The following NDRG3 variants were observed in gnomAD, a reference collection of about 807,000 sequenced individuals.
NDRG3 encodes the protein protein NDRG3.
In NDRG3, 23 loss-of-function variants were observed where a neutral mutation model predicts 57.2. The observed-to-expected ratio is 0.40, with a 90% confidence interval of 0.29 to 0.57. The LOEUF (loss-of-function observed/expected upper bound fraction) is 0.57. NDRG3 is among the 20% of genes least tolerant of loss of function. The pLI, the probability that NDRG3 is intolerant of heterozygous loss-of-function variation, is 0.42. For synonymous variants in NDRG3, 132 were observed against 162.6 expected (o/e 0.81, Z 1.43); for missense variants, 384 against 457.3 (o/e 0.84, Z 1.46).
chr20:36,745,604 C>A (rs996459000), intron 1 of NDRG3, among the ~76,000 whole-genome samples: 21 of 152,202 alleles, frequency 1.4e-4, no homozygotes, highest in African/African-American at 5.1e-4. Context: ...TGCTCTGGGG[C>A]CGGACGGGTG....
chr20:36,721,859 T>G, intron 1 of NDRG3, 76 bp from the exon 2 acceptor site: 1 of 652,374 alleles, frequency 1.5e-6, no homozygotes, highest in Non-Finnish European at 2.7e-6. Context: ...AGTACACCCA[T>G]TCATTCAAAT....
At chr20:36,683,567 C>T (rs1427960984) in intron 6 of NDRG3, among the ~76,000 whole-genome samples, 3 of 151,496 alleles carry the variant, frequency 2.0e-5, no homozygotes, top group African/African-American at 4.8e-5. Flanking sequence ...CAGTGAGCTG[C>T]GATCGCACCA....
At chr20:36,668,312 A>G (rs60482628) in intron 9 of NDRG3, among the ~76,000 whole-genome samples, 3,195 of 152,260 alleles carry the variant, frequency 0.021, 114 homozygotes, top group African/African-American at 0.071. Context: ...ATATTGTTCT[A>G]CACTTGCTTT....
chr20:36,711,561 G>A (rs1270460370), intron 2 of NDRG3, among the ~76,000 whole-genome samples: 1 of 152,136 alleles, frequency 6.6e-6, no homozygotes, highest in East Asian at 1.9e-4. Flanking sequence ...ACAATGATGT[G>A]ACCATGACCA....
At chr20:36,693,573 G>A (rs1982523887) in intron 3 of NDRG3, among the ~76,000 whole-genome samples, 1 of 151,880 alleles carries the variant, frequency 6.6e-6, no homozygotes, top group African/African-American at 2.4e-5. Flanking sequence ...TGAGTGGCAG[G>A]TAAGAGCAAA....
intron 8 of NDRG3, among the ~76,000 whole-genome samples, chr20:36,677,994 G>A (rs1980905913): frequency 6.6e-6 from 1 of 152,128 alleles, no homozygotes; most frequent in Non-Finnish European, 1.5e-5. Flanking sequence ...TTTTACTCTG[G>A]TTTGGGACTG....
intron 3 of NDRG3, chr20:36,700,608 T>C (rs1325384481): frequency 2.4e-6 from 1 of 410,728 alleles, no homozygotes; most frequent in Admixed American, 3.2e-5. Context: ...AATTATCATC[T>C]GTTTTACAGG....
At chr20:36,738,809 T>A (rs976497998) in intron 1 of NDRG3, among the ~76,000 whole-genome samples, 59 of 53,140 alleles carry the variant, frequency 1.1e-3, no homozygotes, top group Admixed American at 1.4e-3. Context: ...GACCACAGAG[T>A]AAAAAACTGT....
At position 36,682,542 on chromosome 20, in the gene NDRG3, T is replaced by C; in HGVS notation, c.420A>G (p.Gly140=). ...KSIIGIGVGA[G]AYILSRFALN... ...CTGCAAATCTGCTGAGGATGTAAGCTCCAGCTCCAACTCCAATTCCAATGA... is the reference window on the plus strand; with the variant it reads ...CTGCAAATCTGCTGAGGATGTAAGCCCCAGCTCCAACTCCAATTCCAATGA... Residue 140 remains glycine, a synonymous_variant, in exon 7 of 16, where the codon GGA becomes GGG. Transcript: ENST00000349004. 2 of 1,614,080 alleles carry C rather than the reference T, an allele frequency of 1.2e-6. No homozygotes were observed. The highest frequency in any genetic ancestry group is 1.7e-6 in the Non-Finnish European group (2 of 1,179,944).
chr20:36,688,855 C>G (rs1982019585), intron 3 of NDRG3, 71 bp from the exon 4 acceptor site: 2 of 1,042,070 alleles, frequency 1.9e-6, no homozygotes, highest in Non-Finnish European at 3.0e-6. Context: ...TTTCACAATA[C>G]CTGCTTTACC....
At chr20:36,695,793 T>C (rs1315030477) in intron 3 of NDRG3, among the ~76,000 whole-genome samples, 2 of 152,200 alleles carry the variant, frequency 1.3e-5, no homozygotes, top group Non-Finnish European at 2.9e-5. Flanking sequence ...CCTTGTGACC[T>C]TGCCCTATCC....
rs1020049171 is a variant in NDRG3 at position 36,684,626 on chromosome 20, G to A, written c.321-151C>T. 6.1e-6 allele frequency: 4 copies of A among 653,850 alleles called. No individual in the cohort carries two copies. In the African/African-American group the frequency reaches 7.2e-5, roughly 12 times the overall value. 40.5% of individuals were successfully genotyped at this position (653,850 alleles called of 1,614,324 possible). The stretch of plus-strand genomic sequence containing the variant: ...GCACTTTGGGACACCGAGGTGGGCA[G>A]ATCACCTGAGGTTGGGAGTTCGAGA... On this transcript the variant is annotated intron_variant, in intron 5 of 15. Transcript: ENST00000349004.
At chr20:36,713,355 C>G (rs1984036048) in intron 2 of NDRG3, among the ~76,000 whole-genome samples, 1 of 151,810 alleles carries the variant, frequency 6.6e-6, no homozygotes, top group Non-Finnish European at 1.5e-5. Flanking sequence ...TAAATTAAAG[C>G]AAGCAAGCCT....
In NDRG3 at chr20:36,656,402, G is replaced by A. The variant is rs1431968225; in HGVS notation, c.904C>T (p.Leu302Phe). 7 of 1,614,136 alleles carry A rather than the reference G, an allele frequency of 4.3e-6. No homozygotes were observed. Among genetic ancestry groups the A allele is most frequent in the African/African-American group, 1.3e-5 (1 of 75,030 alleles). ...GLPQVVQPGK[L>F]TEAFKYFLQG... ...AAAAAGTACTTGAAGGCCTCGGTGAGCTTCCCAGGCTGGGGGGATAAAACA... is the reference window on the plus strand; with the variant it reads ...AAAAAGTACTTGAAGGCCTCGGTGAACTTCCCAGGCTGGGGGGATAAAACA... The change falls in exon 15 of 16, where the codon CTC becomes TTC. Residue 302 changes from leucine (L) to phenylalanine (F), a missense_variant. Transcript: ENST00000349004.
At chr20:36,730,511 ATG>A (rs932908221) in intron 1 of NDRG3, among the ~76,000 whole-genome samples, 1 of 151,976 alleles carries the variant, frequency 6.6e-6, no homozygotes, top group African/African-American at 2.4e-5. Flanking sequence ...ATCAACTAAA[ATG>A]TGAACATACT....
At chr20:36,719,598 G>A (rs1984472374) in intron 2 of NDRG3, among the ~76,000 whole-genome samples, 2 of 152,040 alleles carry the variant, frequency 1.3e-5, no homozygotes. Flanking sequence ...AGAGGCTGCA[G>A]GTGAAGGGCC....
At chr20:36,703,421 C>CCCAT (rs569065969) in intron 3 of NDRG3, among the ~76,000 whole-genome samples, 36 of 147,014 alleles carry the variant, frequency 2.4e-4, no homozygotes, top group African/African-American at 8.8e-4. Context: ...TATGTAATAT[C>CCCAT]CTATCTATCT....
At chr20:36,717,584 C>T (rs1478603894) in intron 2 of NDRG3, among the ~76,000 whole-genome samples, 1 of 152,184 alleles carries the variant, frequency 6.6e-6, no homozygotes, top group Non-Finnish European at 1.5e-5. Context: ...CTGGGCAAAC[C>T]AGCCTTTCAT....
chr20:36,680,552 A>C (rs180956609), intron 8 of NDRG3, among the ~76,000 whole-genome samples: 36 of 152,262 alleles, frequency 2.4e-4, no homozygotes, highest in Admixed American at 6.5e-5. Context: ...AAAACAGATA[A>C]AACTTATCTC....
Sources: allele counts gnomAD v4.1 joint callset (sites outside exome capture counted in the v4.1 genomes callset), GRCh38; gene constraint gnomAD v4.1.1; transcripts MANE v1.5; gene names NCBI Gene and HGNC (gene_info 2026-07-23, HGNC 2026-07-21).